Variants in GAD2 observed in about 807,000 individuals in gnomAD.
GAD2 encodes the protein 65 kDa glutamic acid decarboxylase.
In GAD2, 22 loss-of-function variants were observed where a neutral mutation model predicts 80.1. The observed-to-expected ratio is 0.27, with a 90% CI of 0.20 to 0.39. The LOEUF is 0.39. Ranked by LOEUF, GAD2 falls within the 10% of genes least tolerant of loss-of-function variation. GAD2 has a pLI of 1.00. For missense variants in GAD2, 624 were observed against 738.4 expected (o/e 0.85, Z 1.80); for synonymous variants, 274 against 256.9 (o/e 1.07, Z -0.64).
At chr10:26,235,971 G>T (rs74423269) in intron 7 of GAD2, among the ~76,000 whole-genome samples, 1 of 152,070 alleles carries the variant, frequency 6.6e-6, no homozygotes, top group East Asian at 1.9e-4. Flanking sequence ...GCAAATCACC[G>T]TAACTAATTC....
At chr10:26,266,088 T>TGACTGATG (rs1845070020) in intron 8 of GAD2, among the ~76,000 whole-genome samples, 3 of 152,206 alleles carry the variant, frequency 2.0e-5, no homozygotes, top group Non-Finnish European at 4.4e-5. Context: ...ATCACCTGGG[T>TGACTGATG]GACTGATGAA....
intron 15 of GAD2, among the ~76,000 whole-genome samples, chr10:26,295,938 C>A (rs1471186033): frequency 6.6e-6 from 1 of 152,172 alleles, no homozygotes; most frequent in African/African-American, 2.4e-5. Context: ...AATAGGAACT[C>A]AAAAATCGTT....
Position 26,229,616 on chromosome 10 carries a change from G to A in GAD2, c.725-46G>A, listed in dbSNP as rs189767836. Reference sequence around the variant, plus strand: ...AAGGAATGTTGCTTGCATGTGAAATGAGGTTGATAATAAATAAAGTAACTG... The same window carrying A: ...AAGGAATGTTGCTTGCATGTGAAATAAGGTTGATAATAAATAAAGTAACTG... On this transcript the variant is annotated intron_variant, in intron 6 of 15. Transcript: ENST00000376261. The A allele has an allele frequency of 3.8e-6, 5 of 1,329,084 alleles. No homozygotes were observed. In the African/African-American group the frequency reaches 7.2e-5, roughly 19 times the overall value. The allele number at this position is 1,329,084 out of a possible 1,614,324, so 82.3% of individuals were successfully genotyped here.
chr10:26,298,221 C>T lies in GAD2; in HGVS notation c.1585-2567C>T, dbSNP rs149764011. On this transcript the variant is annotated intron_variant, in intron 15 of 15. Transcript: ENST00000376261. Reference sequence around the variant, plus strand: ...TTTAGTAATTTGCCCTCCAGCCAGGCCTTGAACCCTGGACCCATCTTAGTT... The same window carrying T: ...TTTAGTAATTTGCCCTCCAGCCAGGTCTTGAACCCTGGACCCATCTTAGTT... 2.7e-3 allele frequency among the ~76,000 whole-genome samples: 415 copies of T among 152,290 alleles called. 1 individual carries two copies. The highest frequency in any genetic ancestry group is 9.6e-3 in the African/African-American group (398 of 41,536).
intron 12 of GAD2, among the ~76,000 whole-genome samples, chr10:26,285,109 G>C (rs1380348589): frequency 1.3e-5 from 2 of 151,982 alleles, no homozygotes; most frequent in African/African-American, 4.8e-5. Flanking sequence ...TTTCTTTTTT[G>C]AGTTCAGTAT....
chr10:26,292,712 G>A, intron 14 of GAD2, 140 bp downstream of exon 14: 1 of 860,532 alleles, frequency 1.2e-6, no homozygotes, highest in South Asian at 1.6e-5. Flanking sequence ...GCTATTCCAA[G>A]CTGGAATAAA....
At position 26,224,648 on chromosome 10, in the gene GAD2, C is replaced by G. The variant is rs1844498699; in HGVS notation, c.721C>G (p.Pro241Ala). The change falls in exon 6 of 16, where the codon CCC becomes GCC. Residue 241 changes from proline to alanine, a missense_variant. Physicochemically the swap from Pro to Ala is conservative, Grantham distance 27 (BLOSUM62 -1). Transcript: ENST00000376261. ...GGGCTCTGGCGATGGGATATTTTCT[C>G]CCGGTACATGATATTTCAACTTTCT... ...PGGSGDGIFS[P>A]GGAISNMYAM... is the part of the protein sequence containing the mutation. 3.8e-6 allele frequency: 6 copies of G among 1,599,316 alleles called. No homozygotes were observed. The highest frequency in any genetic ancestry group is 5.1e-6 in the Non-Finnish European group (6 of 1,166,876).
At chr10:26,265,403 C>T (rs1845060542) in intron 8 of GAD2, among the ~76,000 whole-genome samples, 1 of 152,188 alleles carries the variant, frequency 6.6e-6, no homozygotes, top group Non-Finnish European at 1.5e-5. Flanking sequence ...CGAGGTTTCA[C>T]CGTGTTGGCC....
chr10:26,300,764 A>T, intron 15 of GAD2, 24 bp from the exon 16 acceptor site: 1 of 1,607,208 alleles, frequency 6.2e-7, no homozygotes, highest in Non-Finnish European at 8.5e-7. Flanking sequence ...GAAAGTCACC[A>T]TGCTGATATG....
At chr10:26,272,062 A>G (rs1276037893) in intron 10 of GAD2, among the ~76,000 whole-genome samples, 1 of 152,080 alleles carries the variant, frequency 6.6e-6, no homozygotes, top group Admixed American at 6.6e-5. Flanking sequence ...ACCTGGCCTC[A>G]TTAATGTTCT....
intron 7 of GAD2, among the ~76,000 whole-genome samples, chr10:26,231,557 C>T (rs188972717): frequency 7.5e-4 from 114 of 152,292 alleles, no homozygotes; most frequent in Non-Finnish European, 6.9e-4. Flanking sequence ...CCTTCTTCAA[C>T]GTATAGGGGT....
chr10:26,286,602 C>A, intron 13 of GAD2, 108 bp downstream of exon 13: 2 of 1,158,136 alleles, frequency 1.7e-6, no homozygotes, highest in Non-Finnish European at 1.2e-6. Flanking sequence ...TTTCCTTACC[C>A]AAGATTTGCT....
chr10:26,245,931 C>G lies in GAD2; in HGVS notation c.851C>G (p.Ser284Cys), dbSNP rs1295046935. The G allele has an allele frequency of 1.9e-5, 31 of 1,612,652 alleles. No homozygotes were observed. The highest frequency in any genetic ancestry group is 2.3e-5 in the Non-Finnish European group (27 of 1,179,126). ...IAFTSEHSHF[S>C]LKKGAAALGI... ...ATATTTTTTTTACAGAGTCATTTTT[C>G]TCTCAAGAAGGGAGCTGCAGCCTTA... Residue 284 changes from serine to cysteine, a missense_variant, in exon 8 of 16, where the codon TCT (serine) becomes TGT (cysteine). Transcript: ENST00000376261.
intron 4 of GAD2, among the ~76,000 whole-genome samples, chr10:26,219,974 A>C (rs963031726): frequency 6.6e-6 from 1 of 152,196 alleles, no homozygotes; most frequent in Non-Finnish European, 1.5e-5. Flanking sequence ...AAATTTTTTT[A>C]AATGTACTTT....
intron 6 of GAD2, 107 bp downstream of exon 6, chr10:26,224,758 A>G: frequency 2.7e-6 from 2 of 747,330 alleles, no homozygotes; most frequent in Admixed American, 5.1e-5. Context: ...CTTAGGTTAA[A>G]TAGACTGTGT....
chr10:26,303,447 G>A lies in GAD2; in HGVS notation c.*2486G>A, dbSNP rs1834348145. On this transcript the variant is annotated 3_prime_UTR_variant, in exon 16 of 16. Coordinates refer to ENST00000376261, the MANE Select transcript of GAD2 (RefSeq NM_001134366.2). ...GGTCAGAAGAGAGTAAGGGAGGAAGGGAGGGAGGGAGGGAGGGAGGGAAGG... is the reference window on the plus strand; with the variant it reads ...GGTCAGAAGAGAGTAAGGGAGGAAGAGAGGGAGGGAGGGAGGGAGGGAAGG... 2.9e-5 allele frequency: 2 copies of A among 67,836 alleles called. No homozygotes were observed. The highest frequency in any genetic ancestry group is 7.4e-4 in the South Asian group (2 of 2,690). The allele number at this position is 67,836 out of a possible 1,614,324, so 4.2% of individuals were successfully genotyped here.
rs1220009731 is a variant in GAD2, at chr10:26,304,442, A to G, written c.*3481A>G. On this transcript the variant is annotated 3_prime_UTR_variant, in exon 16 of 16. Transcript: ENST00000376261. ...TAAAGACAGAAAAAAATAAAAACAT[A>G]AAATATACAAACATGTGGCAACCTG... 6.6e-6 allele frequency: 1 copy of G among 152,654 alleles called. No individual in the cohort carries two copies. The highest frequency in any genetic ancestry group is 1.9e-4 in the East Asian group (1 of 5,204). 9.5% of individuals were successfully genotyped at this position (152,654 alleles called of 1,614,324 possible). A position where few individuals can be genotyped will look rare whatever the true frequency, so the allele number is the denominator to read the frequency against.
intron 8 of GAD2, among the ~76,000 whole-genome samples, chr10:26,253,334 G>A (rs756762638): frequency 6.6e-6 from 1 of 152,198 alleles, no homozygotes; most frequent in Non-Finnish European, 1.5e-5. Flanking sequence ...TGAATATTCA[G>A]TGATGAGGTT....
chr10:26,288,156 G>C (rs886633108), intron 13 of GAD2, among the ~76,000 whole-genome samples: 1 of 152,180 alleles, frequency 6.6e-6, no homozygotes, highest in Admixed American at 6.5e-5. Flanking sequence ...ATATTTTATG[G>C]AATCTCCTTT....
Sources: gnomAD v4.1 joint callset for allele counts (sites outside exome capture counted in the v4.1 genomes callset) on GRCh38, gnomAD v4.1.1 for gene constraint, MANE v1.5 for transcripts, NCBI Gene and HGNC (gene_info 2026-07-23, HGNC 2026-07-21) for gene names.